The following MGAT4C variants were observed in gnomAD, a reference collection of about 807,000 sequenced individuals.
The protein encoded by MGAT4C is alpha-1,3-mannosyl-glycoprotein 4-beta-N-acetylglucosaminyltransferase C.
A neutral mutation model predicts 40.1 loss-of-function variants in MGAT4C; 19 were observed. The observed-to-expected ratio is 0.47, with a 90% CI of 0.33 to 0.70. The LOEUF (loss-of-function observed/expected upper bound fraction) is 0.70. MGAT4C is among the 30% of genes least tolerant of loss of function. MGAT4C has a pLI of 0.02. For missense variants in MGAT4C, 491 were observed against 563.2 expected (o/e 0.87, Z 1.30); for synonymous variants, 181 against 187.1 (o/e 0.97, Z 0.27).
At chr12:86,285,184 G>T (rs1953321286) in intron 4 of MGAT4C, among the ~76,000 whole-genome samples, 1 of 151,908 alleles carries the variant, frequency 6.6e-6, no homozygotes, top group African/African-American at 2.4e-5. Flanking sequence ...CAAATATTCG[G>T]CTTCCTATAG....
chr12:86,231,088 C>T (rs1262751275), intron 1 of MGAT4C, among the ~76,000 whole-genome samples: 1 of 151,940 alleles, frequency 6.6e-6, no homozygotes, highest in East Asian at 1.9e-4. Context: ...TTAATATCAT[C>T]GATGGTCTGG....
intron 3 of MGAT4C, among the ~76,000 whole-genome samples, chr12:86,401,384 T>C (rs891876351): frequency 1.3e-5 from 2 of 151,738 alleles, no homozygotes; most frequent in African/African-American, 4.8e-5. Context: ...TAAAAAGCCA[T>C]AGAATAACAA....
chr12:86,518,634 G>C lies in MGAT4C; in HGVS notation c.-228-83369C>G, dbSNP rs112958792. Among the ~76,000 whole-genome samples, 508 of 152,272 alleles carry C rather than the reference G, an allele frequency of 3.3e-3. 1 individual carries two copies. Among genetic ancestry groups the C allele is most frequent in the African/African-American group, 0.012 (491 of 41,562 alleles). On this transcript the variant is annotated intron_variant, in intron 2 of 7. Coordinates refer to the MGAT4C transcript ENST00000548651. ...CTGGCAAACAGTTTGGGAGCTTTTA[G>C]AAAGTTTAACATATGCTTATAGTAT...
intron 2 of MGAT4C, among the ~76,000 whole-genome samples, chr12:86,460,679 A>G (rs1957584615): frequency 6.6e-6 from 1 of 151,470 alleles, no homozygotes; most frequent in African/African-American, 2.4e-5. Context: ...AGCATCTTAA[A>G]GATGATATAT....
rs1389293005 is a variant in MGAT4C at position 86,478,032 on chromosome 12, G to T, written c.-228-42767C>A. Among the ~76,000 whole-genome samples, 3 of 151,558 alleles carry T rather than the reference G, an allele frequency of 2.0e-5. No individual in the cohort carries two copies. The East Asian group carries it at 5.8e-4, about 29-fold the overall frequency. On this transcript the variant is annotated intron_variant, in intron 2 of 7. Transcript: ENST00000548651. ...CCGAATTTTCAAGCTGAGAAATTTT[G>T]TTTATAATTTTATTTTCTGTGGATT...
intron 2 of MGAT4C, among the ~76,000 whole-genome samples, chr12:86,684,309 G>T (rs1485813389): frequency 2.0e-5 from 3 of 152,118 alleles, no homozygotes; most frequent in Non-Finnish European, 4.4e-5. Flanking sequence ...GTGTTAATTT[G>T]CTGAGAATGA....
chr12:86,597,510 C>A (rs973633546), intron 2 of MGAT4C, among the ~76,000 whole-genome samples: 1 of 152,172 alleles, frequency 6.6e-6, no homozygotes, highest in African/African-American at 2.4e-5. Flanking sequence ...GCCTCAGAAT[C>A]ATGTAGACTC....
At chr12:86,199,025 G>A (rs942654227) in intron 1 of MGAT4C, among the ~76,000 whole-genome samples, 40 of 152,114 alleles carry the variant, frequency 2.6e-4, no homozygotes, top group Non-Finnish European at 4.3e-4. Context: ...ATTTAATAGC[G>A]TTACTCATAA....
At chr12:86,283,710 T>G (rs1287272536) in intron 4 of MGAT4C, among the ~76,000 whole-genome samples, 2 of 152,140 alleles carry the variant, frequency 1.3e-5, no homozygotes, top group Non-Finnish European at 2.9e-5. Flanking sequence ...GTATTCTGTT[T>G]TCAACTATCT....
Position 85,964,399 on chromosome 12 carries a change from T to C in MGAT4C, c.*14890A>G, listed in dbSNP as rs1424580182. Reference sequence around the variant, plus strand: ...CCACAGAACACATAGAATGTTAGTTTTGTAGAAAATTTTAGAGATTTTAAT... The same window carrying C: ...CCACAGAACACATAGAATGTTAGTTCTGTAGAAAATTTTAGAGATTTTAAT... On this transcript the variant is annotated 3_prime_UTR_variant, in exon 5 of 5. Transcript: ENST00000611864. 1 of 152,160 alleles carries C rather than the reference T, an allele frequency of 6.6e-6. No individual in the cohort carries two copies. The highest frequency in any genetic ancestry group is 1.5e-5 in the Non-Finnish European group (1 of 67,992). The allele number at this position is 152,160 out of a possible 1,614,324, so 9.4% of individuals were successfully genotyped here.
rs1181296123 is a variant in MGAT4C at position 85,975,189 on chromosome 12, G to A, written c.*4100C>T. 2 of 150,902 alleles carry A rather than the reference G, an allele frequency of 1.3e-5. No homozygotes were observed. The highest frequency in any genetic ancestry group is 3.0e-5 in the Non-Finnish European group (2 of 67,126). The allele number at this position is 150,902 out of a possible 1,614,324, so 9.3% of individuals were successfully genotyped here. ...ATATATTGATTTTAGGAAAGTGTCT[G>A]TATAATTCCACATGATATTCTCTGG... On this transcript the variant is annotated 3_prime_UTR_variant, in exon 5 of 5. Transcript: ENST00000611864.
chr12:86,340,559 GA>G (rs1485876098), intron 3 of MGAT4C, among the ~76,000 whole-genome samples: 1 of 151,986 alleles, frequency 6.6e-6, no homozygotes, highest in African/African-American at 2.4e-5. Flanking sequence ...TAAAATTGTA[GA>G]AAAATCAATT....
At chr12:86,599,913 GT>G (rs368412921) in intron 2 of MGAT4C, among the ~76,000 whole-genome samples, 1 of 151,136 alleles carries the variant, frequency 6.6e-6, no homozygotes, top group Non-Finnish European at 1.5e-5. Flanking sequence ...GTACACAGTG[GT>G]TTTTTTTTGT....
chr12:86,794,249 T>C (rs1952074892), intron 1 of MGAT4C, among the ~76,000 whole-genome samples: 1 of 151,806 alleles, frequency 6.6e-6, no homozygotes, highest in African/African-American at 2.4e-5. Flanking sequence ...CTTTTTAACA[T>C]TTTATTAAAA....
At chr12:86,774,319 C>CTTTCTTTTTCTTTCT (rs1565981529) in intron 1 of MGAT4C, among the ~76,000 whole-genome samples, 5 of 93,720 alleles carry the variant, frequency 5.3e-5, no homozygotes, top group Admixed American at 2.4e-4. Flanking sequence ...TTCTTTCTTT[C>CTTTCTTTTTCTTTCT]TTTCTTTCTT....
At chr12:86,036,246 CAT>C (rs1891228379) in intron 2 of MGAT4C, among the ~76,000 whole-genome samples, 1 of 149,968 alleles carries the variant, frequency 6.7e-6, no homozygotes, top group African/African-American at 2.4e-5. Flanking sequence ...AATATACAAT[CAT>C]GTCATCTGCA....
At chr12:86,177,929 T>G (rs943603941) in intron 1 of MGAT4C, among the ~76,000 whole-genome samples, 6 of 152,112 alleles carry the variant, frequency 3.9e-5, no homozygotes, top group Non-Finnish European at 8.8e-5. Context: ...CTACTAATAA[T>G]GTAGAAGTTG....
At chr12:86,568,140 T>G (rs893600211) in intron 2 of MGAT4C, among the ~76,000 whole-genome samples, 1 of 152,080 alleles carries the variant, frequency 6.6e-6, no homozygotes, top group African/African-American at 2.4e-5. Flanking sequence ...GGTTTGTCTG[T>G]GAGGGTGTTG....
chr12:86,586,400 G>A (rs1221887045), intron 2 of MGAT4C, among the ~76,000 whole-genome samples: 1,456 of 51,868 alleles, frequency 0.028, 150 homozygotes, highest in African/African-American at 0.065. Flanking sequence ...GAATAGTGCC[G>A]CAATAAACAT....
Sources: gnomAD v4.1 joint callset for allele counts (sites outside exome capture counted in the v4.1 genomes callset) on GRCh38, gnomAD v4.1.1 for gene constraint, MANE v1.5 for transcripts, NCBI Gene and HGNC (gene_info 2026-07-23, HGNC 2026-07-21) for gene names.